Variants in PPARGC1A observed in about 807,000 individuals in gnomAD.
PPARGC1A encodes the protein PPARG coactivator 1 alpha, also known as peroxisome proliferator-activated receptor gamma coactivator 1-alpha.
PPARGC1A carries 25 observed loss-of-function variants against 88.7 expected under a neutral mutation model. That is an observed-to-expected ratio of 0.28 (90% CI 0.21 to 0.39). PPARGC1A has a LOEUF of 0.39. Ranked by LOEUF, PPARGC1A falls within the 10% of genes least tolerant of loss-of-function variation. The probability of loss-of-function intolerance (pLI) is 1.00; values close to 1 mark genes in which losing one functional copy is unlikely to be tolerated. For synonymous variants in PPARGC1A, 363 were observed against 355.6 expected (o/e 1.02, Z -0.24); for missense variants, 880 against 968.7 (o/e 0.91, Z 1.22).
At chr4:24,164,714 T>C in the PPARGC1A span, among the ~76,000 whole-genome samples, 3 of 152,190 alleles carry the variant, frequency 2.0e-5, no homozygotes, top group African/African-American at 7.2e-5. Flanking sequence ...TTACATAGAA[T>C]GCACAGCTAT....
chr4:24,362,808 G>T, the PPARGC1A span, among the ~76,000 whole-genome samples: 1 of 152,130 alleles, frequency 6.6e-6, no homozygotes, highest in East Asian at 1.9e-4. Context: ...CTTGAATTTA[G>T]GCAGAAGGAC....
chr4:24,170,979 T>C, the PPARGC1A span, among the ~76,000 whole-genome samples: 1 of 152,178 alleles, frequency 6.6e-6, no homozygotes, highest in Non-Finnish European at 1.5e-5. Context: ...CGCATGCTCC[T>C]GCCTCAGGGC....
the PPARGC1A span, among the ~76,000 whole-genome samples, chr4:24,011,901 A>G: frequency 6.6e-6 from 1 of 152,242 alleles, no homozygotes; most frequent in Admixed American, 6.5e-5. Context: ...TCATATGAAC[A>G]GCAGTTATGA....
chr4:24,367,875 A>C, the PPARGC1A span, among the ~76,000 whole-genome samples: 81 of 152,288 alleles, frequency 5.3e-4, no homozygotes, highest in African/African-American at 1.7e-3. Flanking sequence ...CACTCCAATA[A>C]ACAGGGACAA....
At chr4:23,934,689 A>G in the PPARGC1A span, among the ~76,000 whole-genome samples, 1 of 152,154 alleles carries the variant, frequency 6.6e-6, no homozygotes, top group African/African-American at 2.4e-5. Flanking sequence ...TACATTTGCA[A>G]AAAACCCAGC....
intron 12 of PPARGC1A, 74 bp from the exon 13 acceptor site, chr4:23,795,999 T>A: frequency 1.9e-6 from 2 of 1,030,098 alleles, no homozygotes; most frequent in South Asian, 2.7e-5. Flanking sequence ...CAATTCAAGA[T>A]TACTGGATTC....
At chr4:23,900,953 G>A (rs993854559), upstream of PPARGC1A, among the ~76,000 whole-genome samples, 2 of 152,190 alleles carry the variant, frequency 1.3e-5, no homozygotes, top group South Asian at 2.1e-4. Flanking sequence ...AGCTGGGTGC[G>A]GTGGCTCACG....
chr4:24,436,788 G>C, the PPARGC1A span, among the ~76,000 whole-genome samples: 1 of 128,750 alleles, frequency 7.8e-6, no homozygotes, highest in African/African-American at 3.1e-5. Context: ...CCGGGTCACA[G>C]AGCTGACATC....
chr4:24,317,554 C>CAAAAAAAAAAAAAAAAAAAAAAAAAAA, the PPARGC1A span, among the ~76,000 whole-genome samples: 2 of 14,254 alleles, frequency 1.4e-4, no homozygotes, highest in Non-Finnish European at 1.9e-4. Flanking sequence ...GTTCAGAGGA[C>CAAAAAAAAAAAAAAAAAAAAAAAAAAA]TAAAAAAAAA....
chr4:23,798,382 T>C (rs568620852), intron 12 of PPARGC1A, among the ~76,000 whole-genome samples: 1 of 152,352 alleles, frequency 6.6e-6, no homozygotes, highest in South Asian at 2.1e-4. Flanking sequence ...AAGGAGGCAC[T>C]CAAATTAATA....
At chr4:23,915,083 G>A in the PPARGC1A span, among the ~76,000 whole-genome samples, 7 of 152,124 alleles carry the variant, frequency 4.6e-5, no homozygotes, top group East Asian at 1.9e-4. Flanking sequence ...AGACTCCTTC[G>A]AGCTGGAGGA....
At chr4:24,126,892 C>T in the PPARGC1A span, among the ~76,000 whole-genome samples, 1 of 152,140 alleles carries the variant, frequency 6.6e-6, no homozygotes, top group Non-Finnish European at 1.5e-5. Context: ...CAAGGAAGCT[C>T]AGGGCATCAC....
At chr4:24,177,664 TAAAA>T in the PPARGC1A span, among the ~76,000 whole-genome samples, 646 of 61,266 alleles carry the variant, frequency 0.011, 27 homozygotes, top group East Asian at 0.16. Flanking sequence ...AATAAATAAA[TAAAA>T]TTTTTAAAAA....
chr4:24,325,160 G>C, the PPARGC1A span, among the ~76,000 whole-genome samples: 1 of 152,092 alleles, frequency 6.6e-6, no homozygotes, highest in Admixed American at 6.5e-5. Context: ...CCAGTTCATG[G>C]CTCGTTCCCC....
At chr4:24,001,909 A>G in the PPARGC1A span, among the ~76,000 whole-genome samples, 1 of 152,140 alleles carries the variant, frequency 6.6e-6, no homozygotes, top group Non-Finnish European at 1.5e-5. Flanking sequence ...TGAGTCTATT[A>G]GTCCAAGAAG....
chr4:24,190,331 C>T, the PPARGC1A span, among the ~76,000 whole-genome samples: 9 of 152,098 alleles, frequency 5.9e-5, no homozygotes, highest in South Asian at 6.2e-4. Flanking sequence ...CTGGCTAACA[C>T]GGTGAAACCC....
At chr4:24,201,429 G>A in the PPARGC1A span, among the ~76,000 whole-genome samples, 209 of 152,326 alleles carry the variant, frequency 1.4e-3, 2 homozygotes, top group African/African-American at 4.2e-3. Flanking sequence ...TGTTGTTCAC[G>A]AGCAGAGTCA....
the PPARGC1A span, among the ~76,000 whole-genome samples, chr4:23,966,405 T>C: frequency 6.6e-6 from 1 of 152,224 alleles, no homozygotes; most frequent in South Asian, 2.1e-4. Flanking sequence ...TTAATTTTAT[T>C]ATAAGTTGAA....
intron 2 of PPARGC1A, among the ~76,000 whole-genome samples, chr4:23,834,504 C>T (rs1192849418): frequency 1.3e-5 from 2 of 151,486 alleles, no homozygotes; most frequent in Non-Finnish European, 2.9e-5. Context: ...AAAAAAACAA[C>T]CAAACCTCTA....
Sources: allele counts gnomAD v4.1 joint callset (sites outside exome capture counted in the v4.1 genomes callset), GRCh38; gene constraint gnomAD v4.1.1; transcripts MANE v1.5; gene names NCBI Gene and HGNC (gene_info 2026-07-23, HGNC 2026-07-21).